Variants in MCUB observed in about 807,000 individuals in gnomAD.
MCUB encodes mitochondrial calcium uniporter dominant negative subunit beta.
In MCUB, 46 loss-of-function variants were observed where a neutral mutation model predicts 41.4. The ratio of observed to expected loss-of-function variants is 1.11; its 90% confidence interval spans 0.88 to 1.42. MCUB has a LOEUF of 1.42. MCUB is among the 40% of genes most tolerant of loss of function. MCUB has a pLI of 0.00. For missense variants in MCUB, 403 were observed against 404.9 expected, an observed-to-expected ratio of 1.00 and a Z score of 0.04; for synonymous variants, 148 against 148.2, an observed-to-expected ratio of 1.00 and a Z score of 0.01.
chr4:109,666,719 G>T (rs534076350), intron 4 of MCUB, among the ~76,000 whole-genome samples: 7 of 152,198 alleles, frequency 4.6e-5, no homozygotes, highest in African/African-American at 1.7e-4. Flanking sequence ...TTTTCTCCCA[G>T]GCTATGGCTT....
intron 1 of MCUB, among the ~76,000 whole-genome samples, chr4:109,609,647 G>A (rs1727955200): frequency 6.6e-6 from 1 of 152,128 alleles, no homozygotes; most frequent in Admixed American, 6.5e-5. Context: ...TTAAGATGGA[G>A]CTGCTCTGGT....
intron 1 of MCUB, among the ~76,000 whole-genome samples, chr4:109,644,588 G>A (rs888622453): frequency 5.3e-5 from 8 of 152,022 alleles, no homozygotes; most frequent in Non-Finnish European, 1.2e-4. Context: ...TTCCTCATTG[G>A]AAAGGAACAC....
intron 1 of MCUB, among the ~76,000 whole-genome samples, chr4:109,648,214 TG>T (rs1439483047): frequency 1.1e-5 from 1 of 88,632 alleles, no homozygotes; most frequent in Non-Finnish European, 2.2e-5. Flanking sequence ...CCTGTCGAAA[TG>T]GAAGGAAAGA....
intron 1 of MCUB, among the ~76,000 whole-genome samples, chr4:109,589,812 T>G (rs1412809015): frequency 7.9e-5 from 12 of 152,250 alleles, no homozygotes; most frequent in South Asian, 4.1e-4. Context: ...GGGTGCTCCG[T>G]GCATACTATT....
chr4:109,648,439 G>T (rs1728884793), intron 1 of MCUB: 1 of 308,354 alleles, frequency 3.2e-6, no homozygotes, highest in South Asian at 2.7e-5. Context: ...TTTCTGTACT[G>T]TATTAGCCAA....
chr4:109,580,036 C>A (rs866763258), intron 1 of MCUB, among the ~76,000 whole-genome samples: 1 of 152,168 alleles, frequency 6.6e-6, no homozygotes, highest in African/African-American at 2.4e-5. Flanking sequence ...CCTTGCCCCC[C>A]ACCCCACAAC....
intron 1 of MCUB, among the ~76,000 whole-genome samples, chr4:109,601,745 A>G (rs1247466050): frequency 1.3e-5 from 2 of 152,160 alleles, no homozygotes; most frequent in Non-Finnish European, 2.9e-5. Flanking sequence ...TCTTTTGGGT[A>G]TAGACCCAGC....
intron 1 of MCUB, among the ~76,000 whole-genome samples, chr4:109,652,264 G>A (rs72900779): frequency 0.036 from 5,449 of 152,156 alleles, 345 homozygotes; most frequent in African/African-American, 0.13. Flanking sequence ...AATTTGCAGG[G>A]GGTGGGGCAC....
intron 4 of MCUB, among the ~76,000 whole-genome samples, chr4:109,675,856 G>A (rs1173019307): frequency 6.6e-6 from 1 of 152,162 alleles, no homozygotes; most frequent in African/African-American, 2.4e-5. Context: ...TTTTGCCATG[G>A]GATGATGCAG....
intron 2 of MCUB, among the ~76,000 whole-genome samples, chr4:109,659,655 G>A (rs1348339606): frequency 6.6e-6 from 1 of 152,062 alleles, no homozygotes; most frequent in African/African-American, 2.4e-5. Context: ...TACCTGAGAA[G>A]ACTTTTTTTC....
intron 1 of MCUB, among the ~76,000 whole-genome samples, chr4:109,610,740 C>A (rs1184683752): frequency 1.3e-5 from 2 of 152,100 alleles, no homozygotes; most frequent in African/African-American, 4.8e-5. Flanking sequence ...GATGGCATAG[C>A]CTGTTACAAA....
In MCUB at chr4:109,670,738, G is replaced by C. The variant is rs932700444; in HGVS notation, c.451+6344G>C. On this transcript the variant is annotated intron_variant, in intron 4 of 7. Coordinates refer to ENST00000394650, the MANE Select transcript of MCUB (RefSeq NM_017918.5). ...TGTCTCCAAAAAAAAAAAAGAAAAA[G>C]AAAAAGAACAGAATTCTCTGGCATA... is the stretch of plus-strand genomic sequence containing the variant. 4.0e-5 allele frequency among the ~76,000 whole-genome samples: 6 copies of C among 151,480 alleles called. No individual in the cohort carries two copies. The East Asian group carries it at 1.2e-3, about 29-fold the overall frequency.
chr4:109,576,270 C>G (rs7678204), intron 1 of MCUB, among the ~76,000 whole-genome samples: 1 of 152,070 alleles, frequency 6.6e-6, no homozygotes, highest in Non-Finnish European at 1.5e-5. Flanking sequence ...TAGAGACATT[C>G]CTAAGTCCTC....
At chr4:109,583,904 G>A (rs1727243585) in intron 1 of MCUB, among the ~76,000 whole-genome samples, 1 of 152,112 alleles carries the variant, frequency 6.6e-6, no homozygotes, top group Admixed American at 6.6e-5. Context: ...TGCATCCCAG[G>A]GATGAAGCCA....
intron 4 of MCUB, chr4:109,673,699 A>G (rs2126148631): frequency 2.1e-6 from 1 of 486,202 alleles, no homozygotes; most frequent in Non-Finnish European, 3.6e-6. Flanking sequence ...GCAAATGTGG[A>G]TTTGAAAATT....
intron 1 of MCUB, among the ~76,000 whole-genome samples, chr4:109,627,364 A>G (rs1010955008): frequency 6.6e-6 from 1 of 152,242 alleles, no homozygotes; most frequent in African/African-American, 2.4e-5. Context: ...GTGGTATGAT[A>G]CATGATTTCA....
intron 1 of MCUB, among the ~76,000 whole-genome samples, chr4:109,653,271 C>T (rs953986896): frequency 6.6e-6 from 1 of 151,598 alleles, no homozygotes; most frequent in Non-Finnish European, 1.5e-5. Context: ...CCCAGCTAGT[C>T]AGGAGGCTGA....
intron 1 of MCUB, among the ~76,000 whole-genome samples, chr4:109,647,617 C>T (rs1466051146): frequency 6.6e-6 from 1 of 152,112 alleles, no homozygotes; most frequent in African/African-American, 2.4e-5. Context: ...TTCCAAGTTT[C>T]GGCAATTATA....
chr4:109,613,757 G>C (rs1202989717), intron 1 of MCUB, among the ~76,000 whole-genome samples: 1 of 152,144 alleles, frequency 6.6e-6, no homozygotes, highest in Non-Finnish European at 1.5e-5. Flanking sequence ...GGATCACTGA[G>C]TGCCATATTC....
Sources: allele counts gnomAD v4.1 joint callset (sites outside exome capture counted in the v4.1 genomes callset), GRCh38; gene constraint gnomAD v4.1.1; transcripts MANE v1.5; gene names NCBI Gene and HGNC (gene_info 2026-07-23, HGNC 2026-07-21).